HPSE2: variants seen among roughly 807,000 people sequenced by gnomAD.
HPSE2 encodes inactive heparanase-2.
Under a neutral mutation model 60.5 loss-of-function variants are expected in HPSE2, and 38 were observed. The ratio of observed to expected loss-of-function variants is 0.63; its 90% CI spans 0.48 to 0.82. The LOEUF (loss-of-function observed/expected upper bound fraction) is 0.82, where lower values mean the gene tolerates loss of function less well. HPSE2 is among the 40% of genes least tolerant of loss of function. HPSE2 has a pLI of 0.00. For missense variants in HPSE2, 713 were observed against 740.4 expected, an observed-to-expected ratio of 0.96 and a Z score of 0.43; for synonymous variants, 295 against 293.2, an observed-to-expected ratio of 1.01 and a Z score of -0.06.
chr10:98,743,626 C>T (rs1278324583), intron 4 of HPSE2, among the ~76,000 whole-genome samples: 1 of 152,164 alleles, frequency 6.6e-6, no homozygotes, highest in Non-Finnish European at 1.5e-5. Flanking sequence ...CTATATATTT[C>T]CCATTTTGTG....
chr10:98,597,452 C>T (rs1327960233), intron 9 of HPSE2, among the ~76,000 whole-genome samples: 1 of 151,034 alleles, frequency 6.6e-6, no homozygotes, highest in Non-Finnish European at 1.5e-5. Context: ...ATTGCCTGAG[C>T]TCAGGAGTTC....
intron 3 of HPSE2, among the ~76,000 whole-genome samples, chr10:99,037,531 G>A (rs983011824): frequency 2.0e-5 from 3 of 151,936 alleles, no homozygotes; most frequent in Admixed American, 1.3e-4. Flanking sequence ...TAATTCAAAG[G>A]ACATCAATTA....
intron 3 of HPSE2, among the ~76,000 whole-genome samples, chr10:98,764,458 G>A (rs555215402): frequency 4.7e-4 from 71 of 152,132 alleles, no homozygotes; most frequent in Middle Eastern, 3.4e-3. Flanking sequence ...AAATGTAAAC[G>A]TACCAAAAAG....
At chr10:98,569,848 A>G (rs1389566773) in intron 9 of HPSE2, among the ~76,000 whole-genome samples, 1 of 152,200 alleles carries the variant, frequency 6.6e-6, no homozygotes, top group Non-Finnish European at 1.5e-5. Context: ...ATTTCAGACC[A>G]GGACTGATGC....
intron 3 of HPSE2, among the ~76,000 whole-genome samples, chr10:98,768,786 C>A (rs1206462220): frequency 2.0e-5 from 3 of 152,060 alleles, no homozygotes; most frequent in African/African-American, 7.2e-5. Context: ...TCATGGTGGC[C>A]CACGCCTGTA....
intron 3 of HPSE2, among the ~76,000 whole-genome samples, chr10:99,120,798 C>G (rs1844921527): frequency 6.6e-6 from 1 of 152,030 alleles, no homozygotes; most frequent in African/African-American, 2.4e-5. Flanking sequence ...ATTAAAAAGT[C>G]AAAACATAAC....
the HPSE2 span, among the ~76,000 whole-genome samples, chr10:99,281,340 TAA>T: frequency 1.1e-5 from 1 of 87,260 alleles, no homozygotes; most frequent in African/African-American, 5.0e-5. Flanking sequence ...CTATATTTAA[TAA>T]AGTGTTATAT....
At chr10:98,464,257 T>G (rs1368291071) in intron 11 of HPSE2, among the ~76,000 whole-genome samples, 1 of 152,222 alleles carries the variant, frequency 6.6e-6, no homozygotes, top group Non-Finnish European at 1.5e-5. Flanking sequence ...TCATGTACTT[T>G]TTAAGGAATA....
chr10:98,890,591 C>CA (rs2134930356), intron 3 of HPSE2, among the ~76,000 whole-genome samples: 1 of 151,936 alleles, frequency 6.6e-6, no homozygotes, highest in South Asian at 2.1e-4. Context: ...TCAAGATTAG[C>CA]ATGGTATTGT....
chr10:98,865,239 T>C (rs1174139184), intron 3 of HPSE2, among the ~76,000 whole-genome samples: 1 of 152,042 alleles, frequency 6.6e-6, no homozygotes, highest in Non-Finnish European at 1.5e-5. Context: ...ATTTTTAAGT[T>C]AGAAGGTATG....
rs149473776 is a variant in HPSE2, at chr10:98,736,612, T to C, written c.784+7271A>G. Among the ~76,000 whole-genome samples, 444 of 152,350 alleles carry C rather than the reference T, an allele frequency of 2.9e-3. 4 individuals are homozygous for C. Among genetic ancestry groups the C allele is most frequent in the African/African-American group, 0.01 (421 of 41,590 alleles). The stretch of plus-strand genomic sequence containing the variant: ...TGTGCATTAATTTATACTTTTATTA[T>C]ATATTATTTGTTGGTTTAACAATTT... On this transcript the variant is annotated intron_variant, in intron 4 of 11. Transcript: ENST00000370552.
chr10:98,742,461 A>T (rs1202207253), intron 4 of HPSE2, among the ~76,000 whole-genome samples: 1 of 152,076 alleles, frequency 6.6e-6, no homozygotes, highest in East Asian at 1.9e-4. Context: ...AAGACTGTTA[A>T]TGAAAATGTT....
chr10:99,070,920 C>T (rs1228203493), intron 3 of HPSE2, among the ~76,000 whole-genome samples: 1 of 152,160 alleles, frequency 6.6e-6, no homozygotes, highest in African/African-American at 2.4e-5. Context: ...CATCAATGGA[C>T]ATTTAGAGTG....
chr10:98,815,309 T>C (rs772561640), intron 3 of HPSE2, among the ~76,000 whole-genome samples: 1 of 152,116 alleles, frequency 6.6e-6, no homozygotes, highest in Non-Finnish European at 1.5e-5. Context: ...AGGCATCATA[T>C]AGTTGTCAAG....
At chr10:98,549,970 T>C (rs1943811387) in intron 9 of HPSE2, among the ~76,000 whole-genome samples, 1 of 152,240 alleles carries the variant, frequency 6.6e-6, no homozygotes, top group Admixed American at 6.5e-5. Flanking sequence ...TGAGAAAATC[T>C]ACACACTAGT....
chr10:99,074,747 C>G (rs1842905791), intron 3 of HPSE2, among the ~76,000 whole-genome samples: 1 of 151,978 alleles, frequency 6.6e-6, no homozygotes, highest in Non-Finnish European at 1.5e-5. Flanking sequence ...ATTGGCCCGT[C>G]CAGATTTTCT....
chr10:98,529,958 C>A (rs1236284760), intron 9 of HPSE2, among the ~76,000 whole-genome samples: 1 of 152,190 alleles, frequency 6.6e-6, no homozygotes, highest in Non-Finnish European at 1.5e-5. Context: ...AAGGTTTATG[C>A]CACACCTAAA....
chr10:99,194,432 A>C (rs1589805143), intron 2 of HPSE2, among the ~76,000 whole-genome samples: 2 of 151,914 alleles, frequency 1.3e-5, no homozygotes, highest in East Asian at 3.8e-4. Context: ...ACCAGAGCAG[A>C]TATCAATGAA....
intron 4 of HPSE2, among the ~76,000 whole-genome samples, chr10:98,730,326 C>T (rs768636228): frequency 6.6e-6 from 1 of 151,688 alleles, no homozygotes; most frequent in Non-Finnish European, 1.5e-5. Context: ...GCAGCTTAAG[C>T]AATGCTTTAG....
Sources: gnomAD v4.1 joint callset for allele counts (sites outside exome capture counted in the v4.1 genomes callset) on GRCh38, gnomAD v4.1.1 for gene constraint, MANE v1.5 for transcripts, NCBI Gene and HGNC (gene_info 2026-07-23, HGNC 2026-07-21) for gene names.